TTC27: variants seen among roughly 807,000 people sequenced by gnomAD.
TTC27 encodes tetratricopeptide repeat protein 27.
TTC27 carries 79 observed loss-of-function variants against 115.9 expected under a neutral mutation model. That is an observed-to-expected ratio of 0.68 (90% confidence interval 0.57 to 0.82). The LOEUF is 0.82. TTC27 is among the 40% of genes least tolerant of loss of function. The probability of loss-of-function intolerance (pLI) is 0.00; values close to 1 mark genes in which losing one functional copy is unlikely to be tolerated. For missense variants in TTC27, 1,054 were observed against 993.1 expected (o/e 1.06, Z -0.82); for synonymous variants, 401 against 356.0 (o/e 1.13, Z -1.42).
chr2:32,638,236 TA>T (rs1390818234), intron 3 of TTC27, among the ~76,000 whole-genome samples: 6 of 152,324 alleles, frequency 3.9e-5, no homozygotes, highest in Non-Finnish European at 7.4e-5. Flanking sequence ...TAATTCCTTG[TA>T]TGCTTAGCAG....
intron 16 of TTC27, among the ~76,000 whole-genome samples, chr2:32,790,115 T>C (rs1670485176): frequency 6.6e-6 from 1 of 152,010 alleles, no homozygotes; most frequent in African/African-American, 2.4e-5. Flanking sequence ...AGTAGATTTT[T>C]TCAAACATAT....
At chr2:32,681,242 GA>G (rs1361234849) in intron 9 of TTC27, among the ~76,000 whole-genome samples, 1 of 152,168 alleles carries the variant, frequency 6.6e-6, no homozygotes, top group Admixed American at 6.5e-5. Flanking sequence ...TCTATGTGAG[GA>G]GGACTTTTAA....
chr2:32,775,380 A>G (rs1166545949), intron 13 of TTC27, among the ~76,000 whole-genome samples: 1 of 151,964 alleles, frequency 6.6e-6, no homozygotes, highest in Non-Finnish European at 1.5e-5. Context: ...TTGTATTTTT[A>G]GTAGAGATGG....
chr2:32,742,511 A>G (rs1572567909), intron 12 of TTC27, among the ~76,000 whole-genome samples: 1 of 152,228 alleles, frequency 6.6e-6, no homozygotes, highest in African/African-American at 2.4e-5. Flanking sequence ...TGGCTCCATG[A>G]GAGAGTAAGT....
chr2:32,664,973 C>T (rs926918408), intron 6 of TTC27, among the ~76,000 whole-genome samples: 3 of 151,854 alleles, frequency 2.0e-5, no homozygotes, highest in East Asian at 1.9e-4. Flanking sequence ...GCTAGGATTA[C>T]GGGTGCCCAC....
intron 9 of TTC27, among the ~76,000 whole-genome samples, chr2:32,683,308 C>G (rs1211253751): frequency 6.6e-6 from 1 of 152,062 alleles, no homozygotes; most frequent in Non-Finnish European, 1.5e-5. Context: ...CTTAATACTC[C>G]TACCAGAAGT....
intron 10 of TTC27, among the ~76,000 whole-genome samples, chr2:32,723,728 C>CTCCGTCCTTCCTTCCTTCCT (rs1454826952): frequency 0.011 from 312 of 29,534 alleles, 15 homozygotes; most frequent in Middle Eastern, 0.022. Context: ...CCCTCCCTCC[C>CTCCGTCCTTCCTTCCTTCCT]TCCTTCCTTC....
At position 32,669,847 on chromosome 2, in the gene TTC27, C is replaced by G. The variant is rs186734400; in HGVS notation, c.940-2425C>G. Among the ~76,000 whole-genome samples, 1,024 of 137,654 alleles carry G rather than the reference C, an allele frequency of 7.4e-3. 8 individuals are homozygous for G. Among genetic ancestry groups the G allele is most frequent in the Admixed American group, 0.013 (160 of 12,382 alleles). The allele number at this position is 137,654 out of a possible 152,430, so 90.3% of individuals were successfully genotyped here. A position where few individuals can be genotyped will look rare whatever the true frequency, so the allele number is the denominator to read the frequency against. ...GTTGCAGTGAGCCGAGATCATGCTACTGCACTCCAGCCTAGGTGACTAAGT... is the reference window on the plus strand; with the variant it reads ...GTTGCAGTGAGCCGAGATCATGCTAGTGCACTCCAGCCTAGGTGACTAAGT... On this transcript the variant is annotated intron_variant, in intron 7 of 19. Coordinates refer to ENST00000317907, the MANE Select transcript of TTC27 (RefSeq NM_017735.5).
chr2:32,794,810 G>A (rs1447355482), intron 16 of TTC27, among the ~76,000 whole-genome samples: 1 of 152,008 alleles, frequency 6.6e-6, no homozygotes, highest in East Asian at 1.9e-4. Flanking sequence ...TTGTGAACAA[G>A]TATATGTCAA....
At chr2:32,702,509 T>C (rs11893716) in intron 9 of TTC27, among the ~76,000 whole-genome samples, 18,701 of 152,156 alleles carry the variant, frequency 0.12, 1,564 homozygotes, top group African/African-American at 0.24. Context: ...GGTTTCAGTG[T>C]GTGCATATTC....
intron 16 of TTC27, among the ~76,000 whole-genome samples, chr2:32,797,513 A>G (rs1670749629): frequency 6.6e-6 from 1 of 152,160 alleles, no homozygotes; most frequent in Non-Finnish European, 1.5e-5. Context: ...AGACTATTCA[A>G]TGGGGAAATT....
intron 8 of TTC27, among the ~76,000 whole-genome samples, chr2:32,676,612 T>C (rs1469499727): frequency 6.6e-6 from 1 of 151,284 alleles, no homozygotes; most frequent in African/African-American, 2.4e-5. Flanking sequence ...TGCCTCAGTC[T>C]CCTGAGTAGC....
At chr2:32,710,903 TG>T in intron 10 of TTC27, among the ~76,000 whole-genome samples, 1 of 150,848 alleles carries the variant, frequency 6.6e-6, no homozygotes, top group South Asian at 2.1e-4. Flanking sequence ...CACTTGAGGT[TG>T]GGAGTTCGAA....
intron 9 of TTC27, among the ~76,000 whole-genome samples, chr2:32,689,850 A>G (rs1666754338): frequency 2.6e-5 from 4 of 152,226 alleles, no homozygotes; most frequent in Admixed American, 2.6e-4. Context: ...AATAAAGTGA[A>G]GTATTAATAT....
intron 10 of TTC27, among the ~76,000 whole-genome samples, chr2:32,730,683 G>A (rs553469066): frequency 5.7e-4 from 85 of 148,972 alleles, no homozygotes; most frequent in African/African-American, 1.9e-3. Context: ...GTGCAGTGGC[G>A]TGATCTTGAC....
intron 10 of TTC27, among the ~76,000 whole-genome samples, chr2:32,706,833 G>T (rs1225525441): frequency 6.6e-6 from 1 of 152,142 alleles, no homozygotes; most frequent in East Asian, 1.9e-4. Flanking sequence ...CAAAGTGTTG[G>T]ATTACAGGCG....
chr2:32,753,869 T>A (rs978906799), intron 12 of TTC27, among the ~76,000 whole-genome samples: 2 of 151,664 alleles, frequency 1.3e-5, no homozygotes, highest in Non-Finnish European at 2.9e-5. Flanking sequence ...TGGTCAGGAG[T>A]TCGAGACCAG....
At chr2:32,658,138 T>A (rs1376612506) in intron 5 of TTC27, among the ~76,000 whole-genome samples, 1 of 151,768 alleles carries the variant, frequency 6.6e-6, no homozygotes, top group African/African-American at 2.4e-5. Context: ...CTATTTAAAA[T>A]TTTTTTTTAG....
intron 3 of TTC27, 88 bp from the exon 4 acceptor site, chr2:32,640,182 G>T (rs900401125): frequency 9.3e-6 from 12 of 1,284,718 alleles, no homozygotes; most frequent in African/African-American, 7.5e-5. Flanking sequence ...AAGCTGAGTT[G>T]ACTGGAAAAT....
Sources: allele counts gnomAD v4.1 joint callset (sites outside exome capture counted in the v4.1 genomes callset), GRCh38; gene constraint gnomAD v4.1.1; transcripts MANE v1.5; gene names NCBI Gene and HGNC (gene_info 2026-07-23, HGNC 2026-07-21).